Variants in CDH9 observed in about 807,000 individuals in gnomAD.
CDH9 encodes cadherin-9.
A neutral mutation model predicts 70.9 loss-of-function variants in CDH9; 28 were observed. The ratio of observed to expected loss-of-function variants is 0.40; its 90% CI spans 0.29 to 0.54. CDH9 has a LOEUF of 0.54. CDH9 is among the 20% of genes least tolerant of loss of function. The pLI is 0.59. For synonymous variants in CDH9, 409 were observed against 343.1 expected (o/e 1.19, Z -2.12); for missense variants, 874 against 984.4 (o/e 0.89, Z 1.50).
At chr5:27,022,566 G>A (rs1579518381) in intron 1 of CDH9, among the ~76,000 whole-genome samples, 1 of 152,088 alleles carries the variant, frequency 6.6e-6, no homozygotes, top group South Asian at 2.1e-4. Flanking sequence ...ATAGATAACT[G>A]ATGGCTGAAA....
chr5:26,929,982 A>G (rs1191531570), intron 2 of CDH9, among the ~76,000 whole-genome samples: 1 of 152,006 alleles, frequency 6.6e-6, no homozygotes, highest in Non-Finnish European at 1.5e-5. Flanking sequence ...AAAAATAACT[A>G]AAAGAGTATA....
At chr5:26,999,559 C>A (rs1222773546) in intron 1 of CDH9, among the ~76,000 whole-genome samples, 2 of 152,004 alleles carry the variant, frequency 1.3e-5, no homozygotes, top group Non-Finnish European at 2.9e-5. Context: ...AGAATAGAGT[C>A]CAGAATTAGA....
At chr5:26,910,888 T>A (rs1318097398) in intron 3 of CDH9, among the ~76,000 whole-genome samples, 1 of 152,178 alleles carries the variant, frequency 6.6e-6, no homozygotes, top group Non-Finnish European at 1.5e-5. Context: ...ACAGTGCCCT[T>A]GACATAAATG....
intron 2 of CDH9, among the ~76,000 whole-genome samples, chr5:26,918,483 T>C (rs1355356165): frequency 6.6e-6 from 1 of 152,212 alleles, no homozygotes; most frequent in Non-Finnish European, 1.5e-5. Flanking sequence ...ATATATTTCT[T>C]GAAGACCATA....
intron 2 of CDH9, among the ~76,000 whole-genome samples, chr5:26,956,786 A>T (rs1741953952): frequency 6.6e-6 from 1 of 152,150 alleles, no homozygotes; most frequent in Non-Finnish European, 1.5e-5. Flanking sequence ...TTGATTAGAA[A>T]TTACCCAGTT....
Position 26,892,718 on chromosome 5 carries a change from G to T in CDH9, c.1254-2154C>A, listed in dbSNP as rs368991325. Among the ~76,000 whole-genome samples, 869 of 139,716 alleles carry T rather than the reference G, an allele frequency of 6.2e-3. 6 individuals carry two copies. Among genetic ancestry groups the T allele is most frequent in the African/African-American group, 0.019 (706 of 37,474 alleles). 91.7% of individuals were successfully genotyped at this position (139,716 alleles called of 152,430 possible). On this transcript the variant is annotated intron_variant, in intron 7 of 11. Coordinates refer to ENST00000231021, the MANE Select transcript of CDH9 (RefSeq NM_016279.4). ...CATTATGAAGTACTGGCATTTTTTTGTTGTTGTTGTTGTTTTTCTTTTCTT... is the reference window on the plus strand; with the variant it reads ...CATTATGAAGTACTGGCATTTTTTTTTTGTTGTTGTTGTTTTTCTTTTCTT...
chr5:27,010,862 A>G (rs1249338149), intron 1 of CDH9, among the ~76,000 whole-genome samples: 1 of 152,148 alleles, frequency 6.6e-6, no homozygotes, highest in Non-Finnish European at 1.5e-5. Flanking sequence ...CTTTAAAAGC[A>G]AATGTTTATT....
At chr5:27,030,701 T>A (rs1579523277) in intron 1 of CDH9, among the ~76,000 whole-genome samples, 1 of 151,964 alleles carries the variant, frequency 6.6e-6, no homozygotes, top group African/African-American at 2.4e-5. Flanking sequence ...TAAGTCAACT[T>A]TATTTTAGCC....
At chr5:26,985,682 G>A (rs1301277467) in intron 2 of CDH9, among the ~76,000 whole-genome samples, 2 of 152,004 alleles carry the variant, frequency 1.3e-5, no homozygotes, top group Non-Finnish European at 2.9e-5. Context: ...CCCATTAGAA[G>A]CTACTTAGCC....
intron 2 of CDH9, among the ~76,000 whole-genome samples, chr5:26,949,508 C>G (rs951943109): frequency 6.6e-6 from 1 of 152,236 alleles, no homozygotes; most frequent in African/African-American, 2.4e-5. Context: ...CTTAGTTATT[C>G]TCTCAGATCT....
At chr5:26,958,201 T>A (rs1299010616) in intron 2 of CDH9, among the ~76,000 whole-genome samples, 1 of 152,028 alleles carries the variant, frequency 6.6e-6, no homozygotes, top group Non-Finnish European at 1.5e-5. Flanking sequence ...CAGAGGAGAG[T>A]GAAAATGAGA....
intron 7 of CDH9, among the ~76,000 whole-genome samples, chr5:26,898,245 T>C (rs987563620): frequency 2.6e-5 from 4 of 152,196 alleles, no homozygotes; most frequent in African/African-American, 9.6e-5. Flanking sequence ...ATGGCCATAC[T>C]GCTCAAAGTA....
chr5:27,022,433 T>C (rs1438079826), intron 1 of CDH9, among the ~76,000 whole-genome samples: 2 of 152,120 alleles, frequency 1.3e-5, no homozygotes, highest in Non-Finnish European at 1.5e-5. Context: ...TTCCTTGATA[T>C]AATAATTTGT....
chr5:26,994,363 A>C (rs1742632397), intron 1 of CDH9, among the ~76,000 whole-genome samples: 2 of 152,120 alleles, frequency 1.3e-5, no homozygotes, highest in Non-Finnish European at 2.9e-5. Context: ...ATCAAAATTC[A>C]TATGCTAAAA....
At chr5:26,886,137 A>G (rs571107280) in intron 9 of CDH9, 54 bp from the exon 10 acceptor site, 244 of 1,522,008 alleles carry the variant, frequency 1.6e-4, no homozygotes, top group African/African-American at 1.5e-3. Flanking sequence ...TGTTCTTGTT[A>G]TTACAAGATA....
chr5:27,035,110 C>G (rs1217636375), intron 1 of CDH9, among the ~76,000 whole-genome samples: 2 of 149,504 alleles, frequency 1.3e-5, no homozygotes, highest in East Asian at 3.9e-4. Flanking sequence ...ATGTATTTTT[C>G]TATATTTCCA....
chr5:27,008,336 A>T (rs1742902113), intron 1 of CDH9, among the ~76,000 whole-genome samples: 1 of 152,054 alleles, frequency 6.6e-6, no homozygotes, highest in African/African-American at 2.4e-5. Flanking sequence ...CTAAAAATAC[A>T]AAAATCAGCT....
intron 2 of CDH9, among the ~76,000 whole-genome samples, chr5:26,983,539 A>C (rs1418664275): frequency 1.3e-5 from 2 of 152,210 alleles, no homozygotes; most frequent in African/African-American, 4.8e-5. Context: ...TATAGAATTC[A>C]GTGTTAAACT....
chr5:26,909,664 C>T (rs1185379677), intron 3 of CDH9, among the ~76,000 whole-genome samples: 23 of 151,114 alleles, frequency 1.5e-4, no homozygotes, highest in Admixed American at 1.5e-3. Context: ...TTCGCGAGAC[C>T]ATTATTTTTG....
Sources: allele counts gnomAD v4.1 joint callset (sites outside exome capture counted in the v4.1 genomes callset), GRCh38; gene constraint gnomAD v4.1.1; transcripts MANE v1.5; gene names NCBI Gene and HGNC (gene_info 2026-07-23, HGNC 2026-07-21).